RPS6KA6: variants seen among roughly 807,000 people sequenced by gnomAD.
RPS6KA6 encodes the protein ribosomal protein S6 kinase A6.
Under a neutral mutation model 65.4 loss-of-function variants are expected in RPS6KA6, and 27 were observed. The ratio of observed to expected loss-of-function variants is 0.41; its 90% CI spans 0.30 to 0.57. The LOEUF (loss-of-function observed/expected upper bound fraction) is 0.57. Among genes scored for constraint, RPS6KA6 ranks in the 20% least tolerant of loss-of-function variants. The pLI is 0.24. For missense variants in RPS6KA6, 486 were observed against 555.6 expected (o/e 0.87, Z 1.26); for synonymous variants, 190 against 184.2 (o/e 1.03, Z -0.26).
intron 20 of RPS6KA6, among the ~76,000 whole-genome samples, chrX:84,087,223 T>C (rs374826968): frequency 9.0e-5 from 10 of 111,421 alleles, no homozygotes; most frequent in African/African-American, 3.3e-4. Context: ...TTTTGCATAC[T>C]TGTTTATGTG....
At position 84,147,893 on chromosome X, in the gene RPS6KA6, T is replaced by G. The variant is rs772524193; in HGVS notation, c.340+149A>C. On this transcript the variant is annotated intron_variant, in intron 4 of 21. Transcript: ENST00000262752. ...TTAAGGCATATGCCAATATCAAATC[T>G]AGTAATATTACCTACAGGTTAGAAA... The G allele has an allele frequency of 3.1e-5, 11 of 359,995 alleles. No homozygotes were observed. The East Asian group carries it at 4.7e-4, about 16-fold the overall frequency. The allele number at this position is 359,995 out of a possible 1,213,427, so 29.7% of individuals were successfully genotyped here.
chrX:84,083,135 T>C (rs2033839623), intron 20 of RPS6KA6, among the ~76,000 whole-genome samples: 1 of 112,161 alleles, frequency 8.9e-6, no homozygotes, highest in Non-Finnish European at 1.9e-5. Context: ...CATAGCAAAA[T>C]AAACTATCAT....
intron 4 of RPS6KA6, among the ~76,000 whole-genome samples, chrX:84,147,804 A>G (rs1742989335): frequency 8.9e-6 from 1 of 112,044 alleles, no homozygotes; most frequent in Non-Finnish European, 1.9e-5. Flanking sequence ...TAATAAGTTT[A>G]AATTAAATGA....
intron 16 of RPS6KA6, among the ~76,000 whole-genome samples, 200 bp downstream of exon 16, chrX:84,105,587 T>C (rs1468698538): frequency 6.3e-5 from 7 of 111,085 alleles, no homozygotes; most frequent in East Asian, 5.6e-4. Context: ...CCAATCATCA[T>C]AGTTATTTTT....
At chrX:84,123,516 G>A (rs1471768212) in intron 8 of RPS6KA6, among the ~76,000 whole-genome samples, 1 of 112,434 alleles carries the variant, frequency 8.9e-6, no homozygotes, top group Non-Finnish European at 1.9e-5. Flanking sequence ...AAGAGCCACT[G>A]GGCTTTAAGT....
chrX:84,132,281 G>A (rs1362974519), intron 8 of RPS6KA6, among the ~76,000 whole-genome samples: 1 of 110,434 alleles, frequency 9.1e-6, no homozygotes, highest in Non-Finnish European at 1.9e-5. Flanking sequence ...ATAGCTGGGT[G>A]TGGTGGCATG....
At chrX:84,078,819 A>C (rs1433698604) in intron 20 of RPS6KA6, among the ~76,000 whole-genome samples, 1 of 111,379 alleles carries the variant, frequency 9.0e-6, no homozygotes, top group African/African-American at 3.3e-5. Flanking sequence ...GGAGGGAATT[A>C]CAAAACAGCA....
chrX:84,161,704 T>C (rs767605343), intron 2 of RPS6KA6, among the ~76,000 whole-genome samples: 1 of 111,795 alleles, frequency 8.9e-6, no homozygotes, highest in African/African-American at 3.2e-5. Flanking sequence ...AGAATGGTTT[T>C]TAAAATAAGA....
chrX:84,117,254 G>T, intron 10 of RPS6KA6, 106 bp from the exon 11 acceptor site: 1 of 652,624 alleles, frequency 1.5e-6, no homozygotes, highest in Non-Finnish European at 2.3e-6. Context: ...GTACAGTCCT[G>T]TATATGGTAG....
At chrX:84,160,425 G>A (rs2035491997) in intron 2 of RPS6KA6, among the ~76,000 whole-genome samples, 1 of 111,316 alleles carries the variant, frequency 9.0e-6, no homozygotes. Flanking sequence ...TGTTTAGGAA[G>A]ATGGAATCAC....
At chrX:84,124,430 A>G (rs1397683713) in intron 8 of RPS6KA6, among the ~76,000 whole-genome samples, 2 of 112,160 alleles carry the variant, frequency 1.8e-5, no homozygotes, top group African/African-American at 6.5e-5. Flanking sequence ...GGAATTTATA[A>G]TTCTATCAGA....
chrX:84,109,954 G>A (rs893125259), intron 12 of RPS6KA6, among the ~76,000 whole-genome samples: 1 of 111,271 alleles, frequency 9.0e-6, no homozygotes, highest in Non-Finnish European at 1.9e-5. Context: ...CCAACCAGAC[G>A]ATACTGCCAC....
At chrX:84,081,326 A>G (rs958927827) in intron 20 of RPS6KA6, among the ~76,000 whole-genome samples, 6 of 112,225 alleles carry the variant, frequency 5.3e-5, no homozygotes, top group Non-Finnish European at 1.1e-4. Context: ...ACCATCAGAG[A>G]ATACTATAAA....
chrX:84,134,053 A>G (rs1347675187), intron 8 of RPS6KA6, among the ~76,000 whole-genome samples: 1 of 112,367 alleles, frequency 8.9e-6, no homozygotes, highest in East Asian at 2.8e-4. Flanking sequence ...AAGCATTCAA[A>G]TAATAAAATA....
At chrX:84,161,908 A>G (rs2035519794) in intron 2 of RPS6KA6, among the ~76,000 whole-genome samples, 1 of 112,070 alleles carries the variant, frequency 8.9e-6, no homozygotes, top group Non-Finnish European at 1.9e-5. Context: ...AATTTTTAAG[A>G]TATTGATAGC....
At chrX:84,166,403 C>T (rs888673634) in intron 1 of RPS6KA6, among the ~76,000 whole-genome samples, 6 of 110,586 alleles carry the variant, frequency 5.4e-5, no homozygotes, top group Non-Finnish European at 1.1e-4. Flanking sequence ...GAAATAGAAA[C>T]TATGAAAAAA....
Position 84,074,297 on chromosome X carries a change from G to T in RPS6KA6, c.1972-9186C>A, listed in dbSNP as rs182754374. Among the ~76,000 whole-genome samples the T allele has an allele frequency of 1.0e-3, 113 of 111,716 alleles. 1 individual carries two copies. In the South Asian group the frequency reaches 0.012, roughly 12 times the overall value. ...ATACCACCTGATCCACTCATTTGTG[G>T]AATTTACAAAAGCTGATCTCATAGA... On this transcript the variant is annotated intron_variant, in intron 20 of 21. Coordinates refer to ENST00000262752, the MANE Select transcript of RPS6KA6 (RefSeq NM_014496.5).
chrX:84,095,870 A>T (rs376540015), intron 20 of RPS6KA6, among the ~76,000 whole-genome samples: 6 of 111,991 alleles, frequency 5.4e-5, no homozygotes, highest in South Asian at 7.3e-4. Flanking sequence ...AATGATATGG[A>T]AATACATGGT....
intron 20 of RPS6KA6, among the ~76,000 whole-genome samples, chrX:84,066,529 C>T (rs924539428): frequency 5.4e-5 from 6 of 110,753 alleles, no homozygotes; most frequent in East Asian, 5.8e-4. Context: ...TTTACCATGG[C>T]GCAGCAAAGC....
Sources: gnomAD v4.1 joint callset for allele counts (sites outside exome capture counted in the v4.1 genomes callset) on GRCh38, gnomAD v4.1.1 for gene constraint, MANE v1.5 for transcripts, NCBI Gene and HGNC (gene_info 2026-07-23, HGNC 2026-07-21) for gene names.